Variants in RIPK1 observed in about 807,000 individuals in gnomAD.
The protein encoded by RIPK1 is receptor-interacting serine/threonine-protein kinase 1.
A neutral mutation model predicts 62.4 loss-of-function variants in RIPK1; 27 were observed. That is an observed-to-expected ratio of 0.43 (90% CI 0.32 to 0.60). RIPK1 has a LOEUF of 0.60. RIPK1 is among the 20% of genes least tolerant of loss of function. RIPK1 has a pLI of 0.07. For synonymous variants in RIPK1, 287 were observed against 303.2 expected (o/e 0.95, Z 0.55); for missense variants, 735 against 831.0 (o/e 0.88, Z 1.42).
chr6:3,099,099 T>C (rs959188728), intron 7 of RIPK1, among the ~76,000 whole-genome samples: 1 of 152,246 alleles, frequency 6.6e-6, no homozygotes, highest in Non-Finnish European at 1.5e-5. Context: ...TCAATCCATG[T>C]ATGTTTCTTA....
intron 7 of RIPK1, among the ~76,000 whole-genome samples, chr6:3,098,690 A>G (rs984387340): frequency 6.6e-6 from 1 of 152,240 alleles, no homozygotes; most frequent in Non-Finnish European, 1.5e-5. Flanking sequence ...AGAACAGTGT[A>G]GACTACAGCA....
intron 3 of RIPK1, 129 bp from the exon 4 acceptor site, chr6:3,080,850 G>A (rs1224792548): frequency 2.7e-6 from 2 of 749,932 alleles, no homozygotes; most frequent in South Asian, 3.6e-5. Context: ...CAGTACTGTG[G>A]TGCACCTGCT....
chr6:3,077,596 C>G (rs1383798391), intron 2 of RIPK1, among the ~76,000 whole-genome samples, 183 bp from the exon 3 acceptor site: 1 of 152,180 alleles, frequency 6.6e-6, no homozygotes, highest in Non-Finnish European at 1.5e-5. Context: ...AGTTACTGGG[C>G]AGGAGTACTG....
Position 3,113,263 on chromosome 6 carries a change from G to A in RIPK1, c.1940G>A (p.Gly647Glu). 1 of 1,614,114 alleles carries A rather than the reference G, an allele frequency of 6.2e-7. No homozygotes were observed. The highest frequency in any genetic ancestry group is 1.1e-5 in the South Asian group (1 of 91,072). Residue 647 changes from glycine (G) to glutamate (E), a missense_variant, in exon 11 of 11, where the codon GGG becomes GAG. Transcript: ENST00000259808. The surrounding 1 kb of genome is among the most constrained non-coding windows in gnomAD (Gnocchi z 5.0). ...GAAGGCATAAAGGGAGCCACGGTGG[G>A]GAAGCTGGCCCAGGCGCTCCACCAG... Reference protein sequence around the residue: ...MREGIKGATVGKLAQALHQCS... With the variant: ...MREGIKGATVEKLAQALHQCS...
Position 3,104,073 on chromosome 6 carries a change from A to G in RIPK1, c.916-152A>G, listed in dbSNP as rs945630959. ...GTTCTTTTTAAAGATCATTTTGGCT[A>G]TTTGGGAAAAACATTAATTTTAAAA... On this transcript the variant is annotated intron_variant, in intron 7 of 10. Transcript: ENST00000259808. 3 of 556,298 alleles carry G rather than the reference A, an allele frequency of 5.4e-6. No individual in the cohort carries two copies. In the African/African-American group the frequency reaches 5.7e-5, roughly 11 times the overall value. 34.5% of individuals were successfully genotyped at this position (556,298 alleles called of 1,614,324 possible). A position where few individuals can be genotyped will look rare whatever the true frequency, so the allele number is the denominator to read the frequency against.
intron 9 of RIPK1, among the ~76,000 whole-genome samples, chr6:3,110,185 A>AT (rs1561778276): frequency 6.8e-6 from 1 of 147,522 alleles, no homozygotes; most frequent in African/African-American, 2.5e-5. Context: ...TCTATCTTTA[A>AT]TTTTTTTGAA....
At chr6:3,108,944 A>G (rs1761009596) in intron 9 of RIPK1, among the ~76,000 whole-genome samples, 1 of 152,086 alleles carries the variant, frequency 6.6e-6, no homozygotes, top group Admixed American at 6.6e-5. Flanking sequence ...GTGCTGACGG[A>G]GGTACCTTGA....
At chr6:3,080,534 C>T (rs770209051) in intron 3 of RIPK1, among the ~76,000 whole-genome samples, 2 of 152,106 alleles carry the variant, frequency 1.3e-5, no homozygotes, top group African/African-American at 2.4e-5. Context: ...ATTTTACACG[C>T]GACATTTGCA....
At chr6:3,107,904 T>C (rs908383039) in intron 9 of RIPK1, among the ~76,000 whole-genome samples, 3 of 151,954 alleles carry the variant, frequency 2.0e-5, no homozygotes, top group East Asian at 3.9e-4. Flanking sequence ...GGATCTACAA[T>C]AGATAATAGA....
At chr6:3,098,822 G>C (rs977946662) in intron 7 of RIPK1, among the ~76,000 whole-genome samples, 4 of 152,248 alleles carry the variant, frequency 2.6e-5, no homozygotes, top group Non-Finnish European at 5.9e-5. Flanking sequence ...AGCAGAGGAA[G>C]AAGTCAGAAG....
intron 7 of RIPK1, among the ~76,000 whole-genome samples, chr6:3,098,068 G>A (rs544622927): frequency 2.4e-4 from 37 of 152,258 alleles, no homozygotes; most frequent in African/African-American, 8.9e-4. Flanking sequence ...GCGTGGTGGT[G>A]CCCACTTTCG....
chr6:3,085,575 CCTCT>C (rs573083497), intron 6 of RIPK1, among the ~76,000 whole-genome samples, 167 bp downstream of exon 6: 12 of 152,146 alleles, frequency 7.9e-5, no homozygotes, highest in Non-Finnish European at 1.3e-4. Context: ...GCAAAGAAGC[CCTCT>C]CTCTCAAAAG....
intron 7 of RIPK1, among the ~76,000 whole-genome samples, chr6:3,103,800 A>G (rs1327001710): frequency 1.3e-5 from 2 of 152,170 alleles, no homozygotes; most frequent in Admixed American, 6.6e-5. Context: ...TTGTGAGTTA[A>G]TTTTTATATG....
rs543718254 is a variant in RIPK1, at chr6:3,072,819, G to A, written c.-60-3945G>A. On this transcript the variant is annotated intron_variant, in intron 1 of 10. Coordinates refer to ENST00000259808, the MANE Select transcript of RIPK1 (RefSeq NM_001354930.2). This position sits in a 1 kb window ranked among gnomAD's most constrained non-coding sequence, Gnocchi z 5.6. ...GTGGGGCGGATGACCCTTATGGAAT[G>A]GGGAAGGCTTCACAGTTCTGCCTGC... 3.9e-5 allele frequency among the ~76,000 whole-genome samples: 6 copies of A among 152,312 alleles called. No individual in the cohort carries two copies. Among genetic ancestry groups the A allele is most frequent in the African/African-American group, 1.4e-4 (6 of 41,578 alleles).
intron 3 of RIPK1, among the ~76,000 whole-genome samples, chr6:3,078,265 A>T (rs1759198090): frequency 6.6e-6 from 1 of 152,202 alleles, no homozygotes. Context: ...CACTTTTGGC[A>T]GGAGGATCAC....
rs2113607288 is a variant in RIPK1, at chr6:3,083,145, A to C, written c.520A>C (p.Asn174His). 2 of 1,614,088 alleles carry C rather than the reference A, an allele frequency of 1.2e-6. No individual in the cohort carries two copies. Among genetic ancestry groups the C allele is most frequent in the Non-Finnish European group, 1.7e-6 (2 of 1,179,952 alleles). Residue 174 changes from asparagine to histidine, a missense_variant, in exon 5 of 11, where the codon AAT becomes CAT. Transcript: ENST00000259808. ...GAGCAAACTGAATAATGAAGAGCAC[A>C]ATGAGCTGAGGGAAGTGGACGGCAC... is the stretch of plus-strand genomic sequence containing the variant. ...MWSKLNNEEHNELREVDGTAK... is the reference protein window; with the variant it reads ...MWSKLNNEEHHELREVDGTAK...
At chr6:3,101,391 G>A (rs1760582816) in intron 7 of RIPK1, among the ~76,000 whole-genome samples, 1 of 152,232 alleles carries the variant, frequency 6.6e-6, no homozygotes, top group South Asian at 2.1e-4. Flanking sequence ...GGAGTTGGAG[G>A]TTTCAGTGAG....
At chr6:3,094,338 A>G (rs2113655401) in intron 7 of RIPK1, among the ~76,000 whole-genome samples, 1 of 152,344 alleles carries the variant, frequency 6.6e-6, no homozygotes, top group Non-Finnish European at 1.5e-5. Flanking sequence ...TGTAATCATA[A>G]AAATGTCCTC....
At chr6:3,073,177 T>C (rs1214188070) in intron 1 of RIPK1, among the ~76,000 whole-genome samples, 1 of 151,726 alleles carries the variant, frequency 6.6e-6, no homozygotes, top group Non-Finnish European at 1.5e-5. Context: ...GCTATATATC[T>C]ACATATACAA....
Sources: allele counts gnomAD v4.1 joint callset (sites outside exome capture counted in the v4.1 genomes callset), GRCh38; gene constraint gnomAD v4.1.1; non-coding constraint Gnocchi (gnomAD v3.1); transcripts MANE v1.5; gene names NCBI Gene and HGNC (gene_info 2026-07-23, HGNC 2026-07-21).